Variants in ERC2 observed in about 807,000 individuals in gnomAD.
The protein encoded by ERC2 is ERC protein 2.
Under a neutral mutation model 114.8 loss-of-function variants are expected in ERC2, and 42 were observed. The ratio of observed to expected loss-of-function variants is 0.37; its 90% CI spans 0.29 to 0.47. ERC2 has a LOEUF of 0.47. ERC2 is among the 20% of genes least tolerant of loss of function. The pLI is 0.99. For synonymous variants in ERC2, 454 were observed against 425.5 expected, an observed-to-expected ratio of 1.07 and a Z score of -0.82; for missense variants, 939 against 1,150.7, an observed-to-expected ratio of 0.82 and a Z score of 2.66.
chr3:56,037,372 CT>C (rs1347117221), intron 7 of ERC2, among the ~76,000 whole-genome samples: 1 of 152,074 alleles, frequency 6.6e-6, no homozygotes, highest in Non-Finnish European at 1.5e-5. Flanking sequence ...CTTGATAGAG[CT>C]GAAAAACACA....
chr3:55,692,810 A>C (rs2062732681), intron 16 of ERC2, among the ~76,000 whole-genome samples: 1 of 152,236 alleles, frequency 6.6e-6, no homozygotes, highest in Admixed American at 6.5e-5. Context: ...GATTCCTATC[A>C]ACCATTATAA....
chr3:56,143,182 G>A (rs2080958518), intron 5 of ERC2, among the ~76,000 whole-genome samples: 1 of 152,174 alleles, frequency 6.6e-6, no homozygotes, highest in Non-Finnish European at 1.5e-5. Context: ...TGAGATCCCA[G>A]CTTCATGTGG....
chr3:56,415,073 A>G (rs567988154), intron 2 of ERC2, among the ~76,000 whole-genome samples: 15 of 152,288 alleles, frequency 9.8e-5, no homozygotes, highest in East Asian at 3.9e-4. Flanking sequence ...GAAGTCCTCC[A>G]GTTTTCAATC....
chr3:55,782,383 T>C (rs2069127678), intron 14 of ERC2, among the ~76,000 whole-genome samples: 1 of 152,210 alleles, frequency 6.6e-6, no homozygotes, highest in South Asian at 2.1e-4. Context: ...CACCATCATC[T>C]GGTCATTTAA....
chr3:56,404,342 G>A (rs576052095), intron 2 of ERC2, among the ~76,000 whole-genome samples: 27 of 151,618 alleles, frequency 1.8e-4, no homozygotes, highest in African/African-American at 5.8e-4. Flanking sequence ...TTCCCTATTC[G>A]TATTGCCCTC....
At chr3:55,837,557 G>C (rs941774287) in intron 14 of ERC2, among the ~76,000 whole-genome samples, 2 of 143,720 alleles carry the variant, frequency 1.4e-5, no homozygotes, top group African/African-American at 5.1e-5. Context: ...TGAACAATGA[G>C]ATCACATGGA....
chr3:55,572,665 C>T (rs76152725), intron 17 of ERC2, among the ~76,000 whole-genome samples: 22,222 of 152,166 alleles, frequency 0.15, 1,845 homozygotes, highest in Non-Finnish European at 0.19. Flanking sequence ...GGCTGGGGGA[C>T]TTGCCTAAGG....
At chr3:55,785,876 T>G (rs1479674500) in intron 14 of ERC2, among the ~76,000 whole-genome samples, 1 of 152,252 alleles carries the variant, frequency 6.6e-6, no homozygotes, top group African/African-American at 2.4e-5. Flanking sequence ...AGATGCCAGC[T>G]ACTTCTGAGT....
intron 14 of ERC2, among the ~76,000 whole-genome samples, chr3:55,784,806 G>T (rs1176416001): frequency 6.6e-6 from 1 of 152,156 alleles, no homozygotes; most frequent in African/African-American, 2.4e-5. Flanking sequence ...AGTTTGTCAG[G>T]AGTTAGTTCT....
intron 13 of ERC2, among the ~76,000 whole-genome samples, chr3:55,942,301 T>TTTTTTTTTTTTTTG (rs1559906638): frequency 3.3e-5 from 4 of 120,780 alleles, no homozygotes; most frequent in African/African-American, 1.4e-4. Flanking sequence ...TTTTTTTTTT[T>TTTTTTTTTTTTTTG]TTGTTGAGAC....
intron 2 of ERC2, among the ~76,000 whole-genome samples, chr3:56,360,645 C>T (rs149198116): frequency 9.9e-5 from 15 of 152,278 alleles, no homozygotes; most frequent in African/African-American, 2.9e-4. Flanking sequence ...CAGTGGCTCA[C>T]GCCTGTAATC....
chr3:56,266,185 C>A (rs1272417162), intron 3 of ERC2, among the ~76,000 whole-genome samples: 2 of 134,730 alleles, frequency 1.5e-5, no homozygotes, highest in African/African-American at 5.6e-5. Context: ...GGCTGGAGTG[C>A]AGTGGCACAA....
At chr3:55,643,090 G>C (rs769807136) in intron 17 of ERC2, among the ~76,000 whole-genome samples, 54 of 152,214 alleles carry the variant, frequency 3.5e-4, no homozygotes, top group Admixed American at 5.9e-4. Context: ...CCCAGCTGTG[G>C]ATGGGGCTCT....
At chr3:55,652,036 A>G (rs2060646552) in intron 17 of ERC2, among the ~76,000 whole-genome samples, 1 of 152,236 alleles carries the variant, frequency 6.6e-6, no homozygotes. Flanking sequence ...GTGCCACCAC[A>G]GCAATGAGGA....
At chr3:55,768,408 T>C (rs957808803) in intron 14 of ERC2, among the ~76,000 whole-genome samples, 8 of 152,220 alleles carry the variant, frequency 5.3e-5, no homozygotes, top group African/African-American at 1.9e-4. Flanking sequence ...CTGTGCTTTG[T>C]GATGGGGATA....
chr3:55,798,491 G>C (rs963219299), intron 14 of ERC2, among the ~76,000 whole-genome samples: 1 of 151,874 alleles, frequency 6.6e-6, no homozygotes, highest in African/African-American at 2.4e-5. Flanking sequence ...CCAGCTACTC[G>C]GGCAGCTGAG....
chr3:56,191,255 G>A (rs567292837), intron 3 of ERC2, among the ~76,000 whole-genome samples: 4 of 152,188 alleles, frequency 2.6e-5, no homozygotes, highest in Non-Finnish European at 5.9e-5. Context: ...GGGGTCCAGG[G>A]AAAACATGCC....
At chr3:55,583,548 C>T (rs58750392) in intron 17 of ERC2, among the ~76,000 whole-genome samples, 24 of 39,328 alleles carry the variant, frequency 6.1e-4, no homozygotes, top group South Asian at 2.9e-3. Context: ...TTCCTTTCTT[C>T]CTTCCTTCCT....
At chr3:55,584,012 C>T (rs559386639) in intron 17 of ERC2, among the ~76,000 whole-genome samples, 2 of 152,280 alleles carry the variant, frequency 1.3e-5, no homozygotes, top group South Asian at 4.1e-4. Flanking sequence ...TTTTCTTACA[C>T]ATAAAACGGT....
Sources: gnomAD v4.1 joint callset for allele counts (sites outside exome capture counted in the v4.1 genomes callset) on GRCh38, gnomAD v4.1.1 for gene constraint, MANE v1.5 for transcripts, NCBI Gene and HGNC (gene_info 2026-07-23, HGNC 2026-07-21) for gene names.